MPP1: variants seen among roughly 807,000 people sequenced by gnomAD.
MPP1 encodes the protein MAGUK p55 scaffold protein 1.
Under a neutral mutation model 38.2 loss-of-function variants are expected in MPP1, and 6 were observed. The ratio of observed to expected loss-of-function variants is 0.16; its 90% CI spans 0.09 to 0.31. The LOEUF (loss-of-function observed/expected upper bound fraction) is 0.31. MPP1 is among the 10% of genes least tolerant of loss of function. The probability of loss-of-function intolerance (pLI) is 1.00; values close to 1 mark genes in which losing one functional copy is unlikely to be tolerated. For missense variants in MPP1, 293 were observed against 368.9 expected (o/e 0.79, Z 1.69); for synonymous variants, 153 against 146.3 (o/e 1.05, Z -0.33).
chrX:154,784,990 G>C, intron 7 of MPP1, 61 bp downstream of exon 7: 1 of 1,066,012 alleles, frequency 9.4e-7, no homozygotes, highest in Non-Finnish European at 1.3e-6. Context: ...GCTGGTTACA[G>C]AGACTGGGAA....
chrX:154,785,279 T>G, intron 6 of MPP1, 122 bp from the exon 7 acceptor site: 1 of 506,786 alleles, frequency 2.0e-6, no homozygotes, highest in Admixed American at 4.4e-5. Context: ...TGGGAGATAA[T>G]GTGTGCAAAG....
At chrX:154,791,563 G>A (rs1423671584) in intron 3 of MPP1, 8 of 383,799 alleles carry the variant, frequency 2.1e-5, no homozygotes, top group Non-Finnish European at 3.2e-5. Context: ...CTCAGATAGG[G>A]AGATGGTGGC....
intron 1 of MPP1, among the ~76,000 whole-genome samples, chrX:154,800,044 C>T (rs2072245102): frequency 1.8e-5 from 2 of 112,137 alleles, no homozygotes; most frequent in African/African-American, 6.5e-5. Context: ...TTTGCTCAGC[C>T]TACTGTTAGG....
chrX:154,803,696 A>T lies in MPP1; in HGVS notation c.102+1576T>A, dbSNP rs1342132211. 1.0e-3 allele frequency among the ~76,000 whole-genome samples: 118 copies of T among 112,460 alleles called. 6 individuals carry two copies. Among genetic ancestry groups the T allele is most frequent in the Non-Finnish European group, 7.5e-5 (4 of 53,266 alleles). ...ACTGACTGCCAAGGGTCACAGGGGA[A>T]CTTCCTGGAACCTTGAAAATGTTTA... On this transcript the variant is annotated intron_variant, in intron 1 of 11. Coordinates refer to ENST00000369534, the MANE Select transcript of MPP1 (RefSeq NM_002436.4).
intron 11 of MPP1, 143 bp downstream of exon 11, chrX:154,781,096 C>G (rs956824175): frequency 2.5e-5 from 13 of 530,069 alleles, no homozygotes; most frequent in Non-Finnish European, 4.2e-5. Context: ...TGTGCATACC[C>G]TTTGGCTTCT....
chrX:154,786,390 C>G lies in MPP1; in HGVS notation c.491G>C (p.Arg164Thr). 2 of 1,208,045 alleles carry G rather than the reference C, an allele frequency of 1.7e-6. No homozygotes were observed. Among genetic ancestry groups the G allele is most frequent in the Non-Finnish European group, 2.2e-6 (2 of 893,853 alleles). ...SRLPALQMFMRAQFDYDPKKD... is the reference protein window; with the variant it reads ...SRLPALQMFMTAQFDYDPKKD... ...TTTGGGATCATAGTCAAACTGCGCT[C>G]TCATGAACATCTAAAAAGAAGGTAA... The change falls in exon 6 of 12, where the codon AGA becomes ACA. Residue 164 changes from arginine (R) to threonine (T), a missense_variant. Arg to Thr is a moderately conservative substitution (Grantham distance 71). Coordinates refer to ENST00000369534, the MANE Select transcript of MPP1 (RefSeq NM_002436.4).
chrX:154,805,215 C>T (rs936350169), intron 1 of MPP1, 57 bp downstream of exon 1: 14 of 1,095,214 alleles, frequency 1.3e-5, no homozygotes, highest in Non-Finnish European at 1.7e-5. Context: ...GGGAAAGTCC[C>T]GAGATGAATG....
At chrX:154,797,929 G>A (rs138261278) in intron 1 of MPP1, among the ~76,000 whole-genome samples, 1 of 111,905 alleles carries the variant, frequency 8.9e-6, no homozygotes, top group Admixed American at 9.5e-5. Flanking sequence ...CAGTAAAAAC[G>A]AACAATCTAA....
intron 5 of MPP1, among the ~76,000 whole-genome samples, chrX:154,788,189 T>C (rs1457936217): frequency 8.9e-6 from 1 of 111,840 alleles, no homozygotes; most frequent in Non-Finnish European, 1.9e-5. Context: ...CAGAAAAAAG[T>C]GGTAGATTGG....
At chrX:154,803,260 A>G (rs782476592) in intron 1 of MPP1, among the ~76,000 whole-genome samples, 6 of 112,842 alleles carry the variant, frequency 5.3e-5, no homozygotes, top group Non-Finnish European at 1.1e-4. Context: ...GTCAAGCCAC[A>G]CTTCATCGTG....
chrX:154,785,983 G>A (rs1157445304), intron 6 of MPP1, among the ~76,000 whole-genome samples: 1 of 111,809 alleles, frequency 8.9e-6, no homozygotes, highest in East Asian at 2.8e-4. Context: ...GAAGCAAGAG[G>A]CCCACATAAG....
chrX:154,785,212 C>A (rs1343863538), intron 6 of MPP1, 55 bp from the exon 7 acceptor site: 6 of 903,951 alleles, frequency 6.6e-6, no homozygotes, highest in African/African-American at 4.2e-5. Context: ...CCTCATACCC[C>A]CCCCAGCCAC....
chrX:154,783,239 A>G (rs1384952006), intron 9 of MPP1, 188 bp downstream of exon 9: 12 of 242,915 alleles, frequency 4.9e-5, no homozygotes, highest in Middle Eastern at 1.2e-3. Context: ...AATAACAATA[A>G]GAAAACAGTT....
At chrX:154,798,410 A>C (rs782528194) in intron 1 of MPP1, among the ~76,000 whole-genome samples, 2 of 112,698 alleles carry the variant, frequency 1.8e-5, no homozygotes, top group East Asian at 5.5e-4. Context: ...CATCCATACC[A>C]TGGAACACTT....
In MPP1 at chrX:154,779,165, C is replaced by A. The variant is rs781870760; in HGVS notation, c.*12G>T. ...GAGAGGGGCATACAGTGGGTTCCCC[C>A]ATTCTACAAGCTTAGTAAACCCAGG... is the stretch of plus-strand genomic sequence containing the variant. On this transcript the variant is annotated 3_prime_UTR_variant, in exon 12 of 12. Transcript: ENST00000369534. The A allele has an allele frequency of 1.7e-6, 2 of 1,200,715 alleles. No homozygotes were observed. Among genetic ancestry groups the A allele is most frequent in the Admixed American group, 2.2e-5 (1 of 44,593 alleles).
intron 1 of MPP1, among the ~76,000 whole-genome samples, chrX:154,797,284 C>T (rs1238063893): frequency 2.7e-5 from 3 of 111,597 alleles, no homozygotes; most frequent in Non-Finnish European, 3.8e-5. Flanking sequence ...TTCTCATACA[C>T]GAGTGCTTTC....
intron 5 of MPP1, among the ~76,000 whole-genome samples, chrX:154,789,234 A>G (rs1228669239): frequency 8.9e-6 from 1 of 112,124 alleles, no homozygotes; most frequent in Non-Finnish European, 1.9e-5. Context: ...ATTCTTTTAA[A>G]TATCTCCTTC....
chrX:154,804,251 G>A (rs1367091664), intron 1 of MPP1, among the ~76,000 whole-genome samples: 1 of 111,614 alleles, frequency 9.0e-6, no homozygotes, highest in Non-Finnish European at 1.9e-5. Flanking sequence ...TGAAATCGGA[G>A]GGTTACTGTA....
intron 5 of MPP1, among the ~76,000 whole-genome samples, chrX:154,789,065 GGGTGT>G (rs2072112154): frequency 9.0e-6 from 1 of 111,659 alleles, no homozygotes; most frequent in African/African-American, 3.3e-5. Flanking sequence ...TCTTAGGCAT[GGGTGT>G]ACTCAGTTTG....
Sources: gnomAD v4.1 joint callset for allele counts (sites outside exome capture counted in the v4.1 genomes callset) on GRCh38, gnomAD v4.1.1 for gene constraint, MANE v1.5 for transcripts, NCBI Gene and HGNC (gene_info 2026-07-23, HGNC 2026-07-21) for gene names.